Variants in ZNF605 observed in about 807,000 individuals in gnomAD.
The protein encoded by ZNF605 is zinc finger protein 605.
ZNF605 carries 9 observed loss-of-function variants against 7.9 expected under a neutral mutation model. The observed-to-expected ratio is 1.14, with a 90% confidence interval of 0.68 to 1.98. ZNF605 has a LOEUF of 1.98. Ranked by LOEUF, ZNF605 falls within the 30% of genes most tolerant of loss-of-function variation. The pLI, the probability that ZNF605 is intolerant of heterozygous loss-of-function variation, is 0.00. For missense variants in ZNF605, 673 were observed against 762.4 expected (o/e 0.88, Z 1.38); for synonymous variants, 255 against 260.1 (o/e 0.98, Z 0.19).
At position 132,946,598 on chromosome 12, in the gene ZNF605, A is replaced by G. The variant is rs918180378; in HGVS notation, c.-162-801T>C. ...CCAAGGGGTACCTGAGGCAGACCCC[A>G]GTCCCTGTGGAACTGAGGAATCATG... On this transcript the variant is annotated intron_variant, in intron 2 of 4. Coordinates refer to ENST00000360187, the MANE Select transcript of ZNF605 (RefSeq NM_183238.4). 9.9e-3 allele frequency among the ~76,000 whole-genome samples: 1,503 copies of G among 152,358 alleles called. 14 individuals are homozygous for G. The highest frequency in any genetic ancestry group is 0.031 in the African/African-American group (1,296 of 41,576).
chr12:132,926,478 G>A lies in ZNF605; in HGVS notation c.821C>T (p.Thr274Met), dbSNP rs1952248960. 17 of 1,613,990 alleles carry A rather than the reference G, an allele frequency of 1.1e-5. No homozygotes were observed. The Admixed American group carries it at 1.8e-4, about 17-fold the overall frequency. ...RKSQLKRHQITHTIEKPYSCS... is the reference protein window; with the variant it reads ...RKSQLKRHQIMHTIEKPYSCS... The stretch of plus-strand genomic sequence containing the variant: ...ACTGTAGGGTTTCTCTATTGTGTGC[G>A]TTATCTGATGTCTTTTAAGCTGCGA... Residue 274 changes from threonine to methionine, a missense_variant, in exon 5 of 5, where the codon ACG (threonine) becomes ATG (methionine). Transcript: ENST00000360187.
At chr12:132,944,484 G>A (rs1365682010) in intron 3 of ZNF605, among the ~76,000 whole-genome samples, 3 of 152,178 alleles carry the variant, frequency 2.0e-5, no homozygotes, top group Non-Finnish European at 2.9e-5. Flanking sequence ...CTGCCAACAG[G>A]AGCGGCATTT....
intron 1 of ZNF605, among the ~76,000 whole-genome samples, chr12:132,955,318 C>T (rs1032737429): frequency 3.3e-5 from 5 of 152,176 alleles, no homozygotes; most frequent in Admixed American, 3.3e-4. Context: ...GACCCTGAGC[C>T]AGCCTGTTCT....
At chr12:132,951,493 A>C (rs1303909736) in intron 1 of ZNF605, among the ~76,000 whole-genome samples, 1 of 151,442 alleles carries the variant, frequency 6.6e-6, no homozygotes, top group African/African-American at 2.4e-5. Context: ...CATACATCAC[A>C]TATACACACA....
chr12:132,923,532 T>C lies in ZNF605; in HGVS notation c.*1841A>G, dbSNP rs1281331082. The C allele has an allele frequency of 6.6e-6, 1 of 152,256 alleles. No homozygotes were observed. Among genetic ancestry groups the C allele is most frequent in the Non-Finnish European group, 1.5e-5 (1 of 68,048 alleles). The allele number at this position is 152,256 out of a possible 1,614,324, so 9.4% of individuals were successfully genotyped here. ...GATAATACTCCATTGTCTTATAGCTTGCATAGTTCTCACCAGAAATATGCT... is the reference window on the plus strand; with the variant it reads ...GATAATACTCCATTGTCTTATAGCTCGCATAGTTCTCACCAGAAATATGCT... On this transcript the variant is annotated 3_prime_UTR_variant, in exon 5 of 5. Coordinates refer to ENST00000360187, the MANE Select transcript of ZNF605 (RefSeq NM_183238.4).
chr12:132,950,763 G>A (rs1278905317), intron 1 of ZNF605, among the ~76,000 whole-genome samples: 7 of 147,374 alleles, frequency 4.7e-5, no homozygotes, highest in African/African-American at 1.8e-4. Flanking sequence ...GATAACACAC[G>A]TACATCACAG....
At chr12:132,954,182 G>C (rs1952605896) in intron 1 of ZNF605, among the ~76,000 whole-genome samples, 1 of 150,686 alleles carries the variant, frequency 6.6e-6, no homozygotes, top group African/African-American at 2.4e-5. Context: ...CTGATGACTG[G>C]ACCTCAGTGA....
At chr12:132,945,845 G>T in intron 2 of ZNF605, 48 bp from the exon 3 acceptor site, 1 of 700,516 alleles carries the variant, frequency 1.4e-6, no homozygotes, top group Non-Finnish European at 2.5e-6. Context: ...ATTAATTTGG[G>T]AACCTAAATC....
chr12:132,953,692 T>G (rs1593608130), intron 1 of ZNF605, among the ~76,000 whole-genome samples: 1 of 152,204 alleles, frequency 6.6e-6, no homozygotes, highest in South Asian at 2.1e-4. Context: ...CCCAAAGTGC[T>G]GGGATTACAG....
chr12:132,925,731 T>C lies in ZNF605; in HGVS notation c.1568A>G (p.His523Arg), dbSNP rs780840874. ...AFAWKPQLLRHQRIHTGEKPY... is the reference protein window; with the variant it reads ...AFAWKPQLLRRQRIHTGEKPY... ...TTTCTCCCCTGTATGAATTCTCTGA[T>C]GCCTAAGAAGCTGTGGCTTCCAGGC... is the stretch of plus-strand genomic sequence containing the variant. Residue 523 changes from histidine (H) to arginine (R), a missense_variant, in exon 5 of 5, where the codon CAT (histidine) becomes CGT (arginine). His to Arg is a conservative substitution (Grantham distance 29, BLOSUM62 0). Coordinates refer to ENST00000360187, the MANE Select transcript of ZNF605 (RefSeq NM_183238.4). The C allele has an allele frequency of 6.2e-7, 1 of 1,614,154 alleles. No homozygotes were observed. Among genetic ancestry groups the C allele is most frequent in the East Asian group, 2.2e-5 (1 of 44,888 alleles).
chr12:132,951,630 G>A (rs914387892), intron 1 of ZNF605, among the ~76,000 whole-genome samples: 14 of 121,566 alleles, frequency 1.2e-4, no homozygotes, highest in African/African-American at 4.4e-4. Context: ...TCACAGACAC[G>A]TACAGATACA....
intron 1 of ZNF605, among the ~76,000 whole-genome samples, chr12:132,952,735 C>T (rs1192317352): frequency 5.3e-5 from 8 of 151,818 alleles, no homozygotes; most frequent in African/African-American, 9.7e-5. Flanking sequence ...TTAAGGCCAA[C>T]GGGGTCACTG....
At position 132,922,325 on chromosome 12, in the gene ZNF605, T is replaced by C. The variant is rs1049876405; in HGVS notation, c.*3048A>G. On this transcript the variant is annotated 3_prime_UTR_variant, in exon 5 of 5. Transcript: ENST00000360187. ...GTAAAAGACTTCATAAGTCTTTCTA[T>C]TACTGAAGAGGAGCTTAGTAATAAC... 2 of 152,262 alleles carry C rather than the reference T, an allele frequency of 1.3e-5. No homozygotes were observed. Among genetic ancestry groups the C allele is most frequent in the Admixed American group, 1.3e-4 (2 of 15,278 alleles). The allele number at this position is 152,262 out of a possible 1,614,324, so 9.4% of individuals were successfully genotyped here.
At chr12:132,951,251 A>G (rs1317328870) in intron 1 of ZNF605, among the ~76,000 whole-genome samples, 4 of 151,786 alleles carry the variant, frequency 2.6e-5, no homozygotes, top group Admixed American at 2.0e-4. Context: ...ACACGTACAT[A>G]CAGACGCACA....
rs1952323794 is a variant in ZNF605, at chr12:132,933,155, T to C, written c.16A>G (p.Ile6Val). 1.5e-5 allele frequency: 24 copies of C among 1,605,734 alleles called. No homozygotes were observed. The highest frequency in any genetic ancestry group is 2.0e-5 in the Non-Finnish European group (24 of 1,175,876). The change falls in exon 4 of 5, where the codon ATA becomes GTA. Residue 6 changes from isoleucine to valine, a missense_variant and splice_region_variant. Physicochemically the swap from Ile to Val is conservative, Grantham distance 29. Coordinates refer to ENST00000360187, the MANE Select transcript of ZNF605 (RefSeq NM_183238.4). This position sits in a 1 kb window ranked among gnomAD's most constrained non-coding sequence, Gnocchi z 4.4. MIQSQ[I>V]SFEDVAVDFT... is the part of the protein sequence containing the mutation. Reference sequence around the variant, plus strand: ...TCCACAGCCACATCCTCAAATGATATCTGGAAAAGCATAATCCCTGTTAAA... The same window carrying C: ...TCCACAGCCACATCCTCAAATGATACCTGGAAAAGCATAATCCCTGTTAAA...
In ZNF605 at chr12:132,941,562, C is replaced by T. The variant is rs1487281939; in HGVS notation, c.15+4059G>A. ...CACATCAATAGGCCCAATCATGGGGCGTCTGAGGAACCGTATCGCTCACGA... is the reference window on the plus strand; with the variant it reads ...CACATCAATAGGCCCAATCATGGGGTGTCTGAGGAACCGTATCGCTCACGA... On this transcript the variant is annotated intron_variant, in intron 3 of 4. Coordinates refer to ENST00000360187, the MANE Select transcript of ZNF605 (RefSeq NM_183238.4). This position sits in a 1 kb window ranked among gnomAD's most constrained non-coding sequence, Gnocchi z 5.1. Among the ~76,000 whole-genome samples the T allele has an allele frequency of 3.3e-5, 5 of 152,210 alleles. No homozygotes were observed. The highest frequency in any genetic ancestry group is 5.9e-5 in the Non-Finnish European group (4 of 68,034).
Position 132,927,160 on chromosome 12 carries a change from C to A in ZNF605, c.139G>T (p.Val47Phe). 6.5e-7 allele frequency: 1 copy of A among 1,544,688 alleles called. No homozygotes were observed. Among genetic ancestry groups the A allele is most frequent in the Non-Finnish European group, 8.6e-7 (1 of 1,157,846 alleles). Residue 47 changes from valine (V) to phenylalanine (F), a missense_variant and splice_region_variant, in exon 5 of 5, where the codon GTC becomes TTC. Physicochemically the swap from Val to Phe is conservative, Grantham distance 50. Transcript: ENST00000360187. ...ENYSNLVFLEVWLDNPKMWLR... is the reference protein window; with the variant it reads ...ENYSNLVFLEFWLDNPKMWLR... ...CACATTTTGGGATTATCTAGCCAGA[C>A]TTCTAAAAAGAGAAAAAAATGAACC...
intron 2 of ZNF605, among the ~76,000 whole-genome samples, chr12:132,946,883 G>A (rs918072842): frequency 6.6e-6 from 1 of 152,094 alleles, no homozygotes; most frequent in African/African-American, 2.4e-5. Flanking sequence ...GACCACGTGG[G>A]GGAGCAGCTG....
intron 1 of ZNF605, chr12:132,948,587 C>G (rs1346092199): frequency 1.3e-5 from 2 of 152,246 alleles, no homozygotes; most frequent in Admixed American, 6.5e-5. Flanking sequence ...AGACCTACAG[C>G]AAGAGCCCTT....
Sources: allele counts gnomAD v4.1 joint callset (sites outside exome capture counted in the v4.1 genomes callset), GRCh38; gene constraint gnomAD v4.1.1; non-coding constraint Gnocchi (gnomAD v3.1); transcripts MANE v1.5; gene names NCBI Gene and HGNC (gene_info 2026-07-23, HGNC 2026-07-21).